HS6ST2: variants seen among roughly 807,000 people sequenced by gnomAD.
The protein encoded by HS6ST2 is heparan sulfate 6-O-sulfotransferase 2.
HS6ST2 carries 17 observed loss-of-function variants against 33.0 expected under a neutral mutation model. That is an observed-to-expected ratio of 0.52 (90% confidence interval 0.35 to 0.77). The LOEUF is 0.77. Among genes scored for constraint, HS6ST2 ranks in the 30% least tolerant of loss-of-function variants. HS6ST2 has a pLI of 0.01. For synonymous variants in HS6ST2, 248 were observed against 237.1 expected (o/e 1.05, Z -0.42); for missense variants, 519 against 551.7 (o/e 0.94, Z 0.59).
At chrX:132,736,889 A>G (rs1427905209) in intron 2 of HS6ST2, among the ~76,000 whole-genome samples, 1 of 111,942 alleles carries the variant, frequency 8.9e-6, no homozygotes, top group Non-Finnish European at 1.9e-5. Context: ...AAAGGAACAA[A>G]GTGGACCCAT....
intron 2 of HS6ST2, among the ~76,000 whole-genome samples, chrX:132,814,326 G>C (rs938227204): frequency 1.8e-5 from 2 of 111,710 alleles, no homozygotes; most frequent in Non-Finnish European, 3.8e-5. Flanking sequence ...TATGGAGAGG[G>C]AATAAGCATT....
chrX:132,948,599 C>A (rs2066978473), intron 2 of HS6ST2, among the ~76,000 whole-genome samples: 1 of 111,974 alleles, frequency 8.9e-6, no homozygotes, highest in African/African-American at 3.2e-5. Context: ...GGCAAAATGG[C>A]AGAAATAACA....
chrX:132,848,043 G>A (rs958792673), intron 2 of HS6ST2, among the ~76,000 whole-genome samples: 2 of 112,185 alleles, frequency 1.8e-5, no homozygotes, highest in African/African-American at 6.5e-5. Context: ...GGGGTGGGTG[G>A]TGGAGTAGAT....
chrX:132,907,524 T>C (rs1317418353), intron 2 of HS6ST2: 1 of 112,652 alleles, frequency 8.9e-6, no homozygotes, highest in Non-Finnish European at 1.9e-5. Context: ...TCCAAGTTAA[T>C]GCTGTTGAAA....
chrX:132,848,107 G>T (rs1437889783), intron 2 of HS6ST2, among the ~76,000 whole-genome samples: 1 of 112,091 alleles, frequency 8.9e-6, no homozygotes, highest in Non-Finnish European at 1.9e-5. Flanking sequence ...TAAACGGAAT[G>T]CTGCCAGTGC....
intron 2 of HS6ST2, among the ~76,000 whole-genome samples, chrX:132,941,289 C>T (rs1733183535): frequency 9.0e-6 from 1 of 111,650 alleles, no homozygotes; most frequent in African/African-American, 3.3e-5. Context: ...ATGAGCTGAG[C>T]TAATCTGGCT....
At chrX:132,707,164 C>T (rs1232806126) in intron 3 of HS6ST2, among the ~76,000 whole-genome samples, 1 of 112,177 alleles carries the variant, frequency 8.9e-6, no homozygotes, top group African/African-American at 3.2e-5. Context: ...TGTTATTGAC[C>T]ATTGTCTTAA....
intron 2 of HS6ST2, among the ~76,000 whole-genome samples, chrX:132,856,918 T>C (rs2065856918): frequency 8.9e-6 from 1 of 111,802 alleles, no homozygotes; most frequent in East Asian, 2.8e-4. Flanking sequence ...TTTATCATGG[T>C]TAAACATGCA....
chrX:132,892,324 TCAGTAGCAG>T (rs2066324190), intron 2 of HS6ST2, among the ~76,000 whole-genome samples: 1 of 112,015 alleles, frequency 8.9e-6, no homozygotes, highest in Non-Finnish European at 1.9e-5. Context: ...GGTCCATGGA[TCAGTAGCAG>T]CAGCAGCACC....
chrX:132,635,902 T>C (rs1242892331), intron 4 of HS6ST2, among the ~76,000 whole-genome samples: 4 of 111,246 alleles, frequency 3.6e-5, no homozygotes, highest in South Asian at 3.8e-4. Flanking sequence ...ATGGCTTCTA[T>C]TTATCCTTTG....
chrX:132,685,996 C>A (rs758960049), intron 3 of HS6ST2, among the ~76,000 whole-genome samples: 1 of 111,855 alleles, frequency 8.9e-6, no homozygotes, highest in African/African-American at 3.2e-5. Flanking sequence ...GATTAGAAAT[C>A]AATCCTAATA....
At chrX:132,928,552 A>G (rs918139078) in intron 2 of HS6ST2, among the ~76,000 whole-genome samples, 5 of 110,625 alleles carry the variant, frequency 4.5e-5, no homozygotes, top group African/African-American at 1.6e-4. Context: ...ATTATTGTGG[A>G]TTACATTTCA....
intron 3 of HS6ST2, among the ~76,000 whole-genome samples, chrX:132,683,059 A>G (rs141721822): frequency 0.012 from 1,319 of 111,228 alleles, 22 homozygotes; most frequent in African/African-American, 0.039. Flanking sequence ...GGCTGCAGTG[A>G]GCTATGACCA....
In HS6ST2 at chrX:132,669,324, A is replaced by ATC. The variant is rs10550199; in HGVS notation, c.981-127_981-126dup. On this transcript the variant is annotated intron_variant, in intron 3 of 4. Transcript: ENST00000370833. Reference sequence around the variant, plus strand: ...ATATCCCCCCACCACCCCCTGGCCAATCTCTCTCTCTCTCTCTCTCTCCTG... The same window carrying ATC: ...ATATCCCCCCACCACCCCCTGGCCAATCTCTCTCTCTCTCTCTCTCTCTCCTG... The ATC allele has an allele frequency of 8.7e-3, 2,965 of 339,652 alleles. 8 individuals carry two copies. Among genetic ancestry groups the ATC allele is most frequent in the East Asian group, 0.03 (613 of 20,238 alleles). 28.0% of individuals were successfully genotyped at this position (339,652 alleles called of 1,213,427 possible). A position where few individuals can be genotyped will look rare whatever the true frequency, so the allele number is the denominator to read the frequency against.
chrX:132,734,244 A>G (rs1048526564), intron 2 of HS6ST2, among the ~76,000 whole-genome samples: 1 of 108,571 alleles, frequency 9.2e-6, no homozygotes, highest in African/African-American at 3.4e-5. Flanking sequence ...GTGGCACTTC[A>G]TTAACAAAAC....
intron 2 of HS6ST2, among the ~76,000 whole-genome samples, chrX:132,823,849 TAAA>T (rs1348912124): frequency 1.8e-5 from 1 of 55,512 alleles, no homozygotes; most frequent in African/African-American, 7.6e-5. Context: ...TGAGACTTCA[TAAA>T]AAATAATAAT....
chrX:132,755,911 A>G (rs1439400316), intron 2 of HS6ST2, among the ~76,000 whole-genome samples: 4 of 112,013 alleles, frequency 3.6e-5, no homozygotes, highest in African/African-American at 1.3e-4. Context: ...GTTGGAAAGC[A>G]ATCTGGCTTC....
intron 4 of HS6ST2, among the ~76,000 whole-genome samples, chrX:132,648,817 A>C (rs1041440933): frequency 6.3e-5 from 7 of 111,930 alleles, no homozygotes; most frequent in Non-Finnish European, 1.1e-4. Context: ...TGGAGATATT[A>C]TCCTTGTGAG....
intron 2 of HS6ST2, among the ~76,000 whole-genome samples, chrX:132,754,927 G>A (rs1366838966): frequency 9.0e-6 from 1 of 110,915 alleles, no homozygotes; most frequent in South Asian, 3.9e-4. Flanking sequence ...GCCCAGGCTG[G>A]TCTCAAACTC....
Sources: allele counts gnomAD v4.1 joint callset (sites outside exome capture counted in the v4.1 genomes callset), GRCh38; gene constraint gnomAD v4.1.1; transcripts MANE v1.5; gene names NCBI Gene and HGNC (gene_info 2026-07-23, HGNC 2026-07-21).